CFAP299: variants seen among roughly 807,000 people sequenced by gnomAD.
CFAP299 encodes the protein cilia- and flagella-associated protein 299.
In CFAP299, 21 loss-of-function variants were observed where a neutral mutation model predicts 27.0. The ratio of observed to expected loss-of-function variants is 0.78; its 90% CI spans 0.55 to 1.12. The LOEUF (loss-of-function observed/expected upper bound fraction) is 1.12, where lower values mean the gene tolerates loss of function less well. Ranked by LOEUF, CFAP299 falls within the 50% of genes most tolerant of loss-of-function variation. The pLI is 0.00. For synonymous variants in CFAP299, 104 were observed against 98.1 expected (o/e 1.06, Z -0.36); for missense variants, 310 against 276.6 (o/e 1.12, Z -0.86).
At chr4:80,791,618 G>A (rs4385052) in intron 3 of CFAP299, among the ~76,000 whole-genome samples, 18,016 of 151,906 alleles carry the variant, frequency 0.12, 1,390 homozygotes, top group African/African-American at 0.21. Context: ...TATTGATGCA[G>A]AGGGAGTAAA....
chr4:80,378,042 C>T (rs1034953560), intron 2 of CFAP299, among the ~76,000 whole-genome samples: 6 of 152,122 alleles, frequency 3.9e-5, no homozygotes, highest in Non-Finnish European at 8.8e-5. Flanking sequence ...TCAATTACGT[C>T]CCCTGGGGTC....
chr4:80,390,612 T>C (rs148313778), intron 2 of CFAP299, among the ~76,000 whole-genome samples: 83 of 127,520 alleles, frequency 6.5e-4, no homozygotes, highest in Admixed American at 6.4e-4. Flanking sequence ...TATACACACA[T>C]ATGTATATAT....
chr4:80,642,301 C>A (rs372390227), intron 3 of CFAP299, among the ~76,000 whole-genome samples: 1 of 152,076 alleles, frequency 6.6e-6, no homozygotes, highest in African/African-American at 2.4e-5. Context: ...TTCTGAATAT[C>A]CTGGTTGTTA....
intron 2 of CFAP299, among the ~76,000 whole-genome samples, chr4:80,377,901 A>T (rs143639827): frequency 2.0e-5 from 3 of 152,154 alleles, no homozygotes; most frequent in Non-Finnish European, 2.9e-5. Context: ...GGTGAAACGC[A>T]CTTCTCACAT....
chr4:80,465,314 T>C (rs187167995), intron 2 of CFAP299, among the ~76,000 whole-genome samples: 256 of 152,306 alleles, frequency 1.7e-3, no homozygotes, highest in Middle Eastern at 6.8e-3. Flanking sequence ...TAAACAGAAC[T>C]ACAGACTAAG....
chr4:80,730,484 G>A (rs926965082), intron 3 of CFAP299, among the ~76,000 whole-genome samples: 2 of 151,542 alleles, frequency 1.3e-5, no homozygotes, highest in African/African-American at 4.9e-5. Context: ...CTTTTGTTAG[G>A]GCCTCTGGTG....
At chr4:80,360,238 G>C (rs527947856) in intron 1 of CFAP299, among the ~76,000 whole-genome samples, 1 of 152,308 alleles carries the variant, frequency 6.6e-6, no homozygotes, top group South Asian at 2.1e-4. Context: ...ACAGCAGAGT[G>C]GTAGCAGGTG....
chr4:80,733,734 T>C (rs983479781), intron 3 of CFAP299, among the ~76,000 whole-genome samples: 12 of 152,244 alleles, frequency 7.9e-5, no homozygotes, highest in African/African-American at 2.6e-4. Context: ...TTTCCATGGC[T>C]TGCTTATTTT....
At chr4:80,567,182 C>G (rs942487718) in intron 2 of CFAP299, among the ~76,000 whole-genome samples, 1 of 151,826 alleles carries the variant, frequency 6.6e-6, no homozygotes, top group Non-Finnish European at 1.5e-5. Flanking sequence ...TTCTGTGTGC[C>G]TCTAACAATT....
chr4:80,445,209 A>G (rs1319756137), intron 2 of CFAP299, among the ~76,000 whole-genome samples: 1 of 152,224 alleles, frequency 6.6e-6, no homozygotes. Flanking sequence ...ATTCTATTAT[A>G]AAGACACATG....
In CFAP299 at chr4:80,799,812, T is replaced by TATA. The variant is rs1560417518; in HGVS notation, c.334-70180_334-70178dup. Among the ~76,000 whole-genome samples, 29 of 36,112 alleles carry TATA rather than the reference T, an allele frequency of 8.0e-4. 2 individuals are homozygous for TATA. Among genetic ancestry groups the TATA allele is most frequent in the African/African-American group, 3.8e-3 (29 of 7,568 alleles). 23.7% of individuals were successfully genotyped at this position (36,112 alleles called of 152,430 possible). ...TATATTATATTATATAATATATAAA[T>TATA]ATATATATTATATATATTTATATAT... is the stretch of plus-strand genomic sequence containing the variant. On this transcript the variant is annotated intron_variant, in intron 3 of 5. Transcript: ENST00000358105.
At chr4:80,329,249 A>C in the CFAP299 span, among the ~76,000 whole-genome samples, 2 of 142,682 alleles carry the variant, frequency 1.4e-5, no homozygotes, top group African/African-American at 5.4e-5. Context: ...TGCTCCTGTA[A>C]ATTTTTATTT....
At chr4:80,531,749 T>A (rs1225252594) in intron 2 of CFAP299, among the ~76,000 whole-genome samples, 1 of 122,076 alleles carries the variant, frequency 8.2e-6, no homozygotes, top group East Asian at 3.6e-4. Context: ...AGATAGAAGT[T>A]TTTTTTTTTT....
chr4:80,847,002 A>G (rs1395763123), intron 3 of CFAP299, among the ~76,000 whole-genome samples: 1 of 152,190 alleles, frequency 6.6e-6, no homozygotes, highest in African/African-American at 2.4e-5. Context: ...GTGAAAAGGT[A>G]ACAAAAATCC....
chr4:80,603,400 A>G (rs1467179933), intron 3 of CFAP299, among the ~76,000 whole-genome samples: 1 of 152,154 alleles, frequency 6.6e-6, no homozygotes, highest in Non-Finnish European at 1.5e-5. Flanking sequence ...ATATACATAC[A>G]TATATGTACA....
At chr4:80,448,138 C>A (rs1206442181) in intron 2 of CFAP299, among the ~76,000 whole-genome samples, 1 of 152,228 alleles carries the variant, frequency 6.6e-6, no homozygotes, top group African/African-American at 2.4e-5. Flanking sequence ...GACTTTATTT[C>A]TCCCCAGTCA....
At position 80,588,394 on chromosome 4, in the gene CFAP299, A is replaced by AG. The variant is rs574692079; in HGVS notation, c.333+5214dup. ...GCTAAAGCTTAGTTCTAGCCATTTT[A>AG]GGGAAAAAAAAAGTATGTCATTGTT... On this transcript the variant is annotated intron_variant, in intron 3 of 5. Coordinates refer to ENST00000358105, the MANE Select transcript of CFAP299 (RefSeq NM_152770.3). Among the ~76,000 whole-genome samples the AG allele has an allele frequency of 5.2e-3, 776 of 150,440 alleles. 10 individuals carry two copies. Among genetic ancestry groups the AG allele is most frequent in the Middle Eastern group, 0.02 (6 of 294 alleles).
rs376706100 is a variant in CFAP299 at position 80,937,606 on chromosome 4, T to TC, written c.477-7204_477-7203insC. On this transcript the variant is annotated intron_variant, in intron 4 of 5. Transcript: ENST00000358105. ...GAATATTTTCTATTCCTTAATTTTA[T>TC]TTATATGTGTCCTCAAACCTAAAGT... 4.0e-3 allele frequency among the ~76,000 whole-genome samples: 616 copies of TC among 152,222 alleles called. 1 individual carries two copies. The highest frequency in any genetic ancestry group is 0.014 in the Middle Eastern group (4 of 294).
intron 2 of CFAP299, among the ~76,000 whole-genome samples, chr4:80,527,633 T>C (rs13142845): frequency 0.25 from 38,159 of 151,974 alleles, 6,914 homozygotes; most frequent in African/African-American, 0.5. Context: ...ACTGTCCCAG[T>C]AGGACTGGTC....
Sources: allele counts gnomAD v4.1 joint callset (sites outside exome capture counted in the v4.1 genomes callset), GRCh38; gene constraint gnomAD v4.1.1; transcripts MANE v1.5; gene names NCBI Gene and HGNC (gene_info 2026-07-23, HGNC 2026-07-21).